Variants in PCDH15 observed in about 807,000 individuals in gnomAD.
The protein encoded by PCDH15 is protocadherin related 15.
A neutral mutation model predicts 178.5 loss-of-function variants in PCDH15; 129 were observed. The ratio of observed to expected loss-of-function variants is 0.72; its 90% confidence interval spans 0.63 to 0.84. The LOEUF is 0.84. Among genes scored for constraint, PCDH15 ranks in the 40% least tolerant of loss-of-function variants. The probability of loss-of-function intolerance (pLI) is 0.00; values close to 1 mark genes in which losing one functional copy is unlikely to be tolerated. For synonymous variants in PCDH15, 800 were observed against 732.0 expected, an observed-to-expected ratio of 1.09 and a Z score of -1.50; for missense variants, 2,230 against 2,099.9, an observed-to-expected ratio of 1.06 and a Z score of -1.21.
intron 1 of PCDH15, among the ~76,000 whole-genome samples, chr10:55,236,293 T>G (rs1841385168): frequency 6.6e-6 from 1 of 152,188 alleles, no homozygotes; most frequent in South Asian, 2.1e-4. Flanking sequence ...CTCTTCAAAA[T>G]TATTCAATTC....
chr10:55,582,628 ATTTT>A (rs1554800566), intron 2 of PCDH15, among the ~76,000 whole-genome samples: 8 of 69,042 alleles, frequency 1.2e-4, no homozygotes, highest in Admixed American at 2.1e-4. Context: ...ATATATATAT[ATTTT>A]TTTTTTTTTG....
intron 2 of PCDH15, among the ~76,000 whole-genome samples, chr10:55,504,591 G>A (rs181826545): frequency 2.6e-5 from 4 of 151,072 alleles, no homozygotes; most frequent in East Asian, 2.0e-4. Context: ...ATAAAAAAAC[G>A]AAGAAGTAGA....
intron 3 of PCDH15, among the ~76,000 whole-genome samples, chr10:54,397,734 TC>T (rs1951426178): frequency 6.6e-6 from 1 of 152,014 alleles, no homozygotes; most frequent in Admixed American, 6.6e-5. Flanking sequence ...TAGAGTTTTT[TC>T]TAGATGCACT....
At chr10:53,808,931 C>T (rs2075761348) in intron 37 of PCDH15, 1 of 1,565,404 alleles carries the variant, frequency 6.4e-7, no homozygotes, top group African/African-American at 1.4e-5. Flanking sequence ...GTACTTTCTT[C>T]CACAGGGGCT....
chr10:53,952,752 AC>A (rs1009591115), intron 23 of PCDH15, among the ~76,000 whole-genome samples: 13 of 152,010 alleles, frequency 8.6e-5, no homozygotes, highest in Non-Finnish European at 5.9e-5. Flanking sequence ...GCTCCAGGCC[AC>A]CCCCAGCCCC....
At chr10:55,324,384 G>T (rs1186966826), upstream of PCDH15, among the ~76,000 whole-genome samples, 1 of 152,060 alleles carries the variant, frequency 6.6e-6, no homozygotes, top group Non-Finnish European at 1.5e-5. Flanking sequence ...TCAAAGTAAA[G>T]GGATGGAGAA....
At position 54,255,273 on chromosome 10, in the gene PCDH15, G is replaced by T. The variant is rs1293061138; in HGVS notation, c.877-18342C>A. ...TCAGTACTCTTCAAAAAGAGAGGTG[G>T]TGACCAGTGTTGGAAGAGATGAAGC... On this transcript the variant is annotated intron_variant, in intron 8 of 37. Transcript: ENST00000644397. 2.0e-5 allele frequency among the ~76,000 whole-genome samples: 3 copies of T among 152,238 alleles called. No homozygotes were observed. In the East Asian group the frequency reaches 5.8e-4, roughly 29 times the overall value.
At chr10:55,153,567 C>T (rs1263490657) in intron 2 of PCDH15, among the ~76,000 whole-genome samples, 3 of 152,066 alleles carry the variant, frequency 2.0e-5, no homozygotes, top group Non-Finnish European at 2.9e-5. Flanking sequence ...ATTGTTAAAG[C>T]CAAGACCCTC....
chr10:54,047,027 A>C (rs889519020), intron 18 of PCDH15, among the ~76,000 whole-genome samples: 1 of 152,140 alleles, frequency 6.6e-6, no homozygotes, highest in East Asian at 1.9e-4. Context: ...TATAAAACAG[A>C]AGTGCAATTT....
At chr10:55,460,202 T>C (rs2132091530) in intron 2 of PCDH15, among the ~76,000 whole-genome samples, 1 of 151,818 alleles carries the variant, frequency 6.6e-6, no homozygotes, top group South Asian at 2.1e-4. Context: ...ATTAATATTA[T>C]TTTAATATCT....
At chr10:54,434,982 A>C (rs1438209503) in intron 3 of PCDH15, among the ~76,000 whole-genome samples, 2 of 152,198 alleles carry the variant, frequency 1.3e-5, no homozygotes, top group Admixed American at 6.5e-5. Context: ...CAATAAGAGC[A>C]TTGAAACTAG....
intron 18 of PCDH15, among the ~76,000 whole-genome samples, chr10:54,042,756 G>A (rs914057332): frequency 2.0e-5 from 3 of 152,070 alleles, no homozygotes; most frequent in East Asian, 3.9e-4. Context: ...ATGTCTGAGT[G>A]GCAAAATGGT....
chr10:55,242,776 A>G (rs1841585928), intron 1 of PCDH15, among the ~76,000 whole-genome samples: 1 of 152,118 alleles, frequency 6.6e-6, no homozygotes, highest in Non-Finnish European at 1.5e-5. Context: ...ATCTGTGCCC[A>G]GGAGGTTGAG....
At chr10:55,381,536 A>C (rs1410759833) in intron 2 of PCDH15, among the ~76,000 whole-genome samples, 1 of 152,098 alleles carries the variant, frequency 6.6e-6, no homozygotes, top group African/African-American at 2.4e-5. Context: ...GAGAGGAGGA[A>C]TTTAAGTCTT....
chr10:54,462,273 A>T (rs2077209280), intron 3 of PCDH15, among the ~76,000 whole-genome samples: 1 of 149,890 alleles, frequency 6.7e-6, no homozygotes, highest in Admixed American at 6.6e-5. Flanking sequence ...TTTATGTCCT[A>T]ATTTTTGGAA....
chr10:54,814,402 G>A (rs1952916498), intron 3 of PCDH15, among the ~76,000 whole-genome samples: 1 of 151,982 alleles, frequency 6.6e-6, no homozygotes, highest in African/African-American at 2.4e-5. Context: ...GTATCTAACA[G>A]GTAAAAATTA....
intron 2 of PCDH15, among the ~76,000 whole-genome samples, chr10:54,543,457 G>A (rs2085487631): frequency 6.6e-6 from 1 of 151,990 alleles, no homozygotes; most frequent in Non-Finnish European, 1.5e-5. Flanking sequence ...GAGCAGCGGG[G>A]CACTGAAGAA....
chr10:55,510,440 T>C (rs561783230), intron 2 of PCDH15, among the ~76,000 whole-genome samples: 70 of 152,034 alleles, frequency 4.6e-4, no homozygotes, highest in African/African-American at 1.6e-3. Flanking sequence ...AAAGCAATAG[T>C]GTAAAGTCAC....
chr10:53,978,616 C>T (rs887461240), intron 21 of PCDH15, among the ~76,000 whole-genome samples: 10 of 151,118 alleles, frequency 6.6e-5, no homozygotes, highest in South Asian at 4.2e-4. Flanking sequence ...TCATTACTTA[C>T]GCAAATTTCT....
Sources: gnomAD v4.1 joint callset for allele counts (sites outside exome capture counted in the v4.1 genomes callset) on GRCh38, gnomAD v4.1.1 for gene constraint, MANE v1.5 for transcripts, NCBI Gene and HGNC (gene_info 2026-07-23, HGNC 2026-07-21) for gene names.